Variants in COG2 observed in about 807,000 individuals in gnomAD.
COG2 encodes conserved oligomeric Golgi complex subunit 2.
COG2 carries 52 observed loss-of-function variants against 90.6 expected under a neutral mutation model. That is an observed-to-expected ratio of 0.57 (90% confidence interval 0.46 to 0.72). COG2 has a LOEUF of 0.72. Ranked by LOEUF, COG2 falls within the 30% of genes least tolerant of loss-of-function variation. The pLI, the probability that COG2 is intolerant of heterozygous loss-of-function variation, is 0.00. For synonymous variants in COG2, 337 were observed against 320.4 expected (o/e 1.05, Z -0.55); for missense variants, 829 against 891.2 (o/e 0.93, Z 0.89).
intron 1 of COG2, among the ~76,000 whole-genome samples, chr1:230,646,084 C>A (rs1021786160): frequency 5.3e-5 from 8 of 152,172 alleles, no homozygotes; most frequent in Non-Finnish European, 1.0e-4. Flanking sequence ...ACCCTCTCCA[C>A]ACTTCTTCCC....
chr1:230,674,962 T>G, intron 8 of COG2, 36 bp from the exon 9 acceptor site: 1 of 1,532,152 alleles, frequency 6.5e-7, no homozygotes, highest in Non-Finnish European at 8.8e-7. Context: ...AAGTAGATTA[T>G]GGTATATTTT....
At chr1:230,654,278 A>T (rs1477047196) in intron 1 of COG2, among the ~76,000 whole-genome samples, 3 of 152,004 alleles carry the variant, frequency 2.0e-5, no homozygotes, top group Non-Finnish European at 2.9e-5. Context: ...ATCCATCTTG[A>T]GTTGATTTTT....
intron 3 of COG2, among the ~76,000 whole-genome samples, chr1:230,662,454 A>G (rs925432798): frequency 4.6e-5 from 7 of 152,002 alleles, no homozygotes; most frequent in African/African-American, 1.7e-4. Flanking sequence ...TTTTTCCATT[A>G]CTTTCATTTT....
chr1:230,669,484 G>T lies in COG2; in HGVS notation c.723G>T (p.Arg241=). Residue 241 remains arginine (R), a synonymous_variant, in exon 7 of 18, where the codon CGG becomes CGT. Transcript: ENST00000366669. ...LRTYATIDKT[R]DAEALVGQVL... ...CTTACGCCACGATTGACAAGACACG[G>T]GACGCGGAGGCCTTAGTTGGCCAAG... 1 of 1,614,016 alleles carries T rather than the reference G, an allele frequency of 6.2e-7. No individual in the cohort carries two copies. Among genetic ancestry groups the T allele is most frequent in the Non-Finnish European group, 8.5e-7 (1 of 1,179,934 alleles).
Position 230,671,623 on chromosome 1 carries a change from A to G in COG2, c.882A>G (p.Thr294=). Residue 294 remains threonine, a synonymous_variant, in exon 8 of 18, where the codon ACA becomes ACG. Coordinates refer to ENST00000366669, the MANE Select transcript of COG2 (RefSeq NM_007357.3). The part of the protein sequence containing the change: ...PHHCRLLREV[T]GGAISSEKGN... ...ATTGCCGCCTTCTTCGAGAAGTCAC[A>G]GGAGGTGCCATCTCCAGGTAATTTA... is the stretch of plus-strand genomic sequence containing the variant. The G allele has an allele frequency of 1.2e-6, 2 of 1,613,734 alleles. No homozygotes were observed. Among genetic ancestry groups the G allele is most frequent in the Non-Finnish European group, 1.7e-6 (2 of 1,179,710 alleles).
intron 8 of COG2, 25 bp downstream of exon 8, chr1:230,671,665 C>A (rs756910130): frequency 6.2e-7 from 1 of 1,607,584 alleles, no homozygotes; most frequent in Non-Finnish European, 8.5e-7. Flanking sequence ...CCTGTGTGGA[C>A]CCCCACCTCC....
chr1:230,647,307 T>G (rs917466181), intron 1 of COG2, among the ~76,000 whole-genome samples: 35 of 152,170 alleles, frequency 2.3e-4, no homozygotes, highest in African/African-American at 8.4e-4. Context: ...GGAATATATC[T>G]CCCTCAGATA....
In COG2 at chr1:230,642,694, G is replaced by T. The variant is rs1289329908; in HGVS notation, c.72+16G>T. ...GTTCATGAAGGTGCGCGCGGCGTCC[G>T]CTCCCCGGAGCCGGGCCATGAGGGT... On this transcript the variant is annotated intron_variant, in intron 1 of 17. Transcript: ENST00000366669. 4 of 1,607,980 alleles carry T rather than the reference G, an allele frequency of 2.5e-6. No individual in the cohort carries two copies. The Admixed American group carries it at 5.1e-5, about 20-fold the overall frequency.
chr1:230,669,659 T>A, intron 7 of COG2, 124 bp downstream of exon 7: 1 of 827,348 alleles, frequency 1.2e-6, no homozygotes, highest in Admixed American at 2.9e-5. Context: ...GTTCCTACAG[T>A]ACCAGCTATA....
At chr1:230,688,588 T>G in intron 15 of COG2, 26 bp downstream of exon 15, 1 of 1,612,604 alleles carries the variant, frequency 6.2e-7, no homozygotes. Context: ...GGGAGAGAAT[T>G]TTGAGGTGGG....
At position 230,664,471 on chromosome 1, in the gene COG2, T is replaced by G; in HGVS notation, c.382-13T>G. On this transcript the variant is annotated splice_polypyrimidine_tract_variant and intron_variant, in intron 4 of 17. Transcript: ENST00000366669. ...ACATGACAATAACTTTTTTCCTTAATTTTTATTTATAGATGTGTGTATTGA... is the reference window on the plus strand; with the variant it reads ...ACATGACAATAACTTTTTTCCTTAAGTTTTATTTATAGATGTGTGTATTGA... 8.2e-7 allele frequency: 1 copy of G among 1,221,838 alleles called. No individual in the cohort carries two copies. Among genetic ancestry groups the G allele is most frequent in the Non-Finnish European group, 1.1e-6 (1 of 876,330 alleles). The allele number at this position is 1,221,838 out of a possible 1,614,324, so 75.7% of individuals were successfully genotyped here.
At chr1:230,647,302 A>G (rs2102740276) in intron 1 of COG2, among the ~76,000 whole-genome samples, 1 of 152,282 alleles carries the variant, frequency 6.6e-6, no homozygotes. Context: ...GTCTTGGAAT[A>G]TATCTCCCTC....
At chr1:230,666,217 C>A (rs1662317940) in intron 5 of COG2, among the ~76,000 whole-genome samples, 1 of 152,186 alleles carries the variant, frequency 6.6e-6, no homozygotes, top group South Asian at 2.1e-4. Context: ...ACATTTTACT[C>A]CTCCCTTTTA....
chr1:230,652,979 C>T (rs1235455576), intron 1 of COG2, among the ~76,000 whole-genome samples: 1 of 152,122 alleles, frequency 6.6e-6, no homozygotes, highest in African/African-American at 2.4e-5. Context: ...TTCATCACCT[C>T]ACATAGTTAA....
rs1338133242 is a variant in COG2, at chr1:230,691,583, G to C, written c.2115+19G>C. The C allele has an allele frequency of 2.5e-6, 4 of 1,596,568 alleles. No individual in the cohort carries two copies. Among genetic ancestry groups the C allele is most frequent in the Non-Finnish European group, 3.4e-6 (4 of 1,170,964 alleles). On this transcript the variant is annotated intron_variant, in intron 17 of 17. Coordinates refer to ENST00000366669, the MANE Select transcript of COG2 (RefSeq NM_007357.3). ...AGAGCAGGTAACCCATCAGCCGCCG[G>C]CAGCTCCAGCGAGCCTGAAACCAAA...
At chr1:230,687,830 T>C (rs1662918419) in intron 13 of COG2, among the ~76,000 whole-genome samples, 1 of 152,344 alleles carries the variant, frequency 6.6e-6, no homozygotes, top group African/African-American at 2.4e-5. Flanking sequence ...GTAGAAAATG[T>C]TTTTGCTTAT....
At chr1:230,679,771 T>C (rs1662693393) in intron 10 of COG2, 2 of 152,234 alleles carry the variant, frequency 1.3e-5, no homozygotes, top group African/African-American at 4.8e-5. Context: ...TGGTATGTTC[T>C]TCCGTAGAAT....
intron 2 of COG2, among the ~76,000 whole-genome samples, chr1:230,660,154 G>A (rs2102749848): frequency 6.6e-6 from 1 of 152,158 alleles, no homozygotes; most frequent in Middle Eastern, 3.4e-3. Flanking sequence ...TTTGCCTTTT[G>A]GTCATCCTGT....
At chr1:230,644,849 G>C (rs1661721554) in intron 1 of COG2, among the ~76,000 whole-genome samples, 1 of 152,164 alleles carries the variant, frequency 6.6e-6, no homozygotes, top group Admixed American at 6.5e-5. Flanking sequence ...GAACTGACTG[G>C]TGGCGGGAGG....
Sources: gnomAD v4.1 joint callset for allele counts (sites outside exome capture counted in the v4.1 genomes callset) on GRCh38, gnomAD v4.1.1 for gene constraint, MANE v1.5 for transcripts, NCBI Gene and HGNC (gene_info 2026-07-23, HGNC 2026-07-21) for gene names.